The following BBS9 variants were observed in gnomAD, a reference collection of about 807,000 sequenced individuals.
BBS9 encodes Bardet-Biedl syndrome 9.
Under a neutral mutation model 117.7 loss-of-function variants are expected in BBS9, and 89 were observed. That is an observed-to-expected ratio of 0.76 (90% CI 0.64 to 0.90). BBS9 has a LOEUF of 0.90. Among genes scored for constraint, BBS9 ranks in the 40% least tolerant of loss-of-function variants. The pLI, the probability that BBS9 is intolerant of heterozygous loss-of-function variation, is 0.00. For missense variants in BBS9, 982 were observed against 1,042.2 expected (o/e 0.94, Z 0.80); for synonymous variants, 379 against 370.9 (o/e 1.02, Z -0.25).
At chr7:33,611,302 T>A (rs189132205) in intron 21 of BBS9, among the ~76,000 whole-genome samples, 184 of 151,706 alleles carry the variant, frequency 1.2e-3, no homozygotes, top group African/African-American at 4.3e-3. Context: ...CTAAATTCTT[T>A]TATGTAAACA....
chr7:33,337,441 T>C (rs1235971721), intron 10 of BBS9, among the ~76,000 whole-genome samples: 1 of 152,066 alleles, frequency 6.6e-6, no homozygotes, highest in Non-Finnish European at 1.5e-5. Context: ...ACAGAGCCAA[T>C]CTTAATCCTG....
intron 21 of BBS9, chr7:33,534,508 T>G: frequency 4.9e-5 from 19 of 387,428 alleles, no homozygotes; most frequent in East Asian, 1.8e-4. Context: ...GATCTCGCGA[T>G]ACAATATTTC....
intron 16 of BBS9, among the ~76,000 whole-genome samples, chr7:33,360,689 TA>T (rs1305928720): frequency 1.3e-5 from 2 of 151,016 alleles, no homozygotes; most frequent in South Asian, 2.1e-4. Context: ...CCTAGCTAAT[TA>T]AAAAAAAATT....
At chr7:33,238,447 C>T (rs184975636) in intron 5 of BBS9, among the ~76,000 whole-genome samples, 285 of 152,188 alleles carry the variant, frequency 1.9e-3, no homozygotes, top group African/African-American at 6.4e-3. Context: ...TGGGCCACCA[C>T]GCCTGGCTAA....
chr7:33,534,399 T>A, intron 21 of BBS9: 1 of 585,652 alleles, frequency 1.7e-6, no homozygotes. Flanking sequence ...TTTTTTCTTC[T>A]CTCTGCTTTT....
At chr7:33,305,417 T>A (rs762153197) in intron 9 of BBS9, among the ~76,000 whole-genome samples, 1 of 152,228 alleles carries the variant, frequency 6.6e-6, no homozygotes, top group East Asian at 1.9e-4. Flanking sequence ...AGATTAATAC[T>A]GGACTTGTAG....
chr7:33,233,118 C>T (rs374716958), intron 5 of BBS9, among the ~76,000 whole-genome samples: 1 of 152,088 alleles, frequency 6.6e-6, no homozygotes, highest in Non-Finnish European at 1.5e-5. Flanking sequence ...GAGAAATGAG[C>T]CATTCCTGGA....
At chr7:33,197,008 G>A (rs948605009) in intron 5 of BBS9, among the ~76,000 whole-genome samples, 7 of 151,780 alleles carry the variant, frequency 4.6e-5, no homozygotes, top group South Asian at 4.1e-4. Flanking sequence ...TCTGATTCCC[G>A]TTATACATAC....
At chr7:33,205,931 A>G (rs1786828690) in intron 5 of BBS9, among the ~76,000 whole-genome samples, 2 of 152,200 alleles carry the variant, frequency 1.3e-5, no homozygotes, top group Admixed American at 6.5e-5. Context: ...CCACTCAGCC[A>G]TCTTTATAAT....
At chr7:33,408,172 C>G (rs1337560134) in intron 19 of BBS9, among the ~76,000 whole-genome samples, 1 of 152,226 alleles carries the variant, frequency 6.6e-6, no homozygotes, top group Non-Finnish European at 1.5e-5. Context: ...TCGCTGCCAC[C>G]TTGCAGTTTG....
At chr7:33,137,683 G>A (rs535518717) in intron 1 of BBS9, among the ~76,000 whole-genome samples, 3 of 152,290 alleles carry the variant, frequency 2.0e-5, no homozygotes, top group South Asian at 4.1e-4. Context: ...CTGGAGAGAC[G>A]CACTTGGGAA....
At chr7:33,608,465 G>A (rs1007401372), downstream of BBS9, among the ~76,000 whole-genome samples, 8 of 152,058 alleles carry the variant, frequency 5.3e-5, no homozygotes, top group African/African-American at 1.9e-4. Flanking sequence ...CCAAACTGCT[G>A]TCTACAGTGG....
intron 19 of BBS9, among the ~76,000 whole-genome samples, chr7:33,494,436 C>T (rs1422926075): frequency 2.0e-5 from 3 of 152,138 alleles, no homozygotes; most frequent in African/African-American, 7.2e-5. Context: ...TTGCAGTAAA[C>T]TCAGCAGTAA....
intron 19 of BBS9, among the ~76,000 whole-genome samples, chr7:33,455,055 T>C (rs1400399291): frequency 6.6e-6 from 1 of 152,216 alleles, no homozygotes; most frequent in Non-Finnish European, 1.5e-5. Context: ...ATATCCAGTT[T>C]ATCATGTTGT....
intron 17 of BBS9, among the ~76,000 whole-genome samples, chr7:33,369,777 A>G (rs1196588500): frequency 2.6e-5 from 4 of 152,172 alleles, no homozygotes; most frequent in African/African-American, 9.7e-5. Context: ...GAATGAAGTA[A>G]TTTGTACCCA....
chr7:33,424,141 A>T (rs1162444733), intron 19 of BBS9, among the ~76,000 whole-genome samples: 1 of 152,140 alleles, frequency 6.6e-6, no homozygotes, highest in African/African-American at 2.4e-5. Flanking sequence ...TTGTATATTT[A>T]AAAAAATTCT....
intron 1 of BBS9, among the ~76,000 whole-genome samples, chr7:33,133,946 T>C (rs1469871634): frequency 6.6e-6 from 1 of 152,240 alleles, no homozygotes; most frequent in Non-Finnish European, 1.5e-5. Flanking sequence ...CTGATTTCTT[T>C]ACATCCTCAC....
At chr7:33,153,892 T>C (rs1435682252) in intron 3 of BBS9, among the ~76,000 whole-genome samples, 1 of 152,166 alleles carries the variant, frequency 6.6e-6, no homozygotes, top group Admixed American at 6.5e-5. Context: ...CTAGGACATA[T>C]TAGGTGTGAT....
At chr7:33,163,192 G>A (rs1554318623) in intron 4 of BBS9, among the ~76,000 whole-genome samples, 1 of 152,168 alleles carries the variant, frequency 6.6e-6, no homozygotes, top group Non-Finnish European at 1.5e-5. Context: ...CTTGATCGTG[G>A]TGGATAAACT....
Sources: allele counts gnomAD v4.1 joint callset (sites outside exome capture counted in the v4.1 genomes callset), GRCh38; gene constraint gnomAD v4.1.1; transcripts MANE v1.5; gene names NCBI Gene and HGNC (gene_info 2026-07-23, HGNC 2026-07-21).